Variants in HS3ST5 observed in about 807,000 individuals in gnomAD.
HS3ST5 encodes heparan sulfate glucosamine 3-O-sulfotransferase 5.
In HS3ST5, 10 loss-of-function variants were observed where a neutral mutation model predicts 25.4. That is an observed-to-expected ratio of 0.39 (90% CI 0.24 to 0.67). The LOEUF is 0.67. Ranked by LOEUF, HS3ST5 falls within the 30% of genes least tolerant of loss-of-function variation. HS3ST5 has a pLI of 0.44. For missense variants in HS3ST5, 324 were observed against 420.7 expected (o/e 0.77, Z 2.01); for synonymous variants, 170 against 162.4 (o/e 1.05, Z -0.36).
chr6:114,141,226 T>A (rs1425446094), intron 3 of HS3ST5, among the ~76,000 whole-genome samples: 2 of 152,216 alleles, frequency 1.3e-5, no homozygotes, highest in Non-Finnish European at 2.9e-5. Context: ...GATCCTTTTC[T>A]CTCCTTCACT....
intron 3 of HS3ST5, chr6:114,131,145 A>C (rs761438643): frequency 6.6e-6 from 1 of 152,228 alleles, no homozygotes; most frequent in Non-Finnish European, 1.5e-5. Flanking sequence ...GATGCATCAA[A>C]GTTGCATGAG....
intron 3 of HS3ST5, chr6:114,084,530 AC>A (rs1774673277): frequency 1.3e-6 from 1 of 759,234 alleles, no homozygotes; most frequent in Non-Finnish European, 2.4e-6. Context: ...GCCGGCGTCC[AC>A]CGCATCACAC....
chr6:114,230,425 T>A lies in HS3ST5; in HGVS notation c.-338-1647A>T, dbSNP rs142976075. On this transcript the variant is annotated intron_variant, in intron 1 of 4. Transcript: ENST00000312719. ...TGTGGATTCTTTTTTACTGAACTAT[T>A]TTTCACATTTAGCACTTCACTACTA... The A allele has an allele frequency of 5.3e-5, 8 of 152,266 alleles. No individual in the cohort carries two copies. In the East Asian group the frequency reaches 1.3e-3, roughly 26 times the overall value. 9.4% of individuals were successfully genotyped at this position (152,266 alleles called of 1,614,324 possible). A position where few individuals can be genotyped will look rare whatever the true frequency, so the allele number is the denominator to read the frequency against.
At chr6:114,209,777 G>A (rs1171559625) in intron 2 of HS3ST5, among the ~76,000 whole-genome samples, 1 of 152,286 alleles carries the variant, frequency 6.6e-6, no homozygotes, top group African/African-American at 2.4e-5. Context: ...AGAAATGGGA[G>A]AAGGAGGAGA....
intron 1 of HS3ST5, among the ~76,000 whole-genome samples, chr6:114,271,040 A>G (rs1773618358): frequency 6.6e-6 from 1 of 152,112 alleles, no homozygotes; most frequent in South Asian, 2.1e-4. Context: ...ATTAAATACC[A>G]TTCACAATAT....
At chr6:114,067,541 T>A (rs1241689474) in intron 3 of HS3ST5, among the ~76,000 whole-genome samples, 1 of 152,162 alleles carries the variant, frequency 6.6e-6, no homozygotes, top group South Asian at 2.1e-4. Context: ...AACCCAGTTA[T>A]TACTATAGAG....
intron 1 of HS3ST5, among the ~76,000 whole-genome samples, chr6:114,291,489 G>A (rs1254766092): frequency 6.6e-6 from 1 of 152,124 alleles, no homozygotes; most frequent in Non-Finnish European, 1.5e-5. Context: ...ACTGAACCTC[G>A]GGTCATCTAG....
At chr6:114,280,374 G>C (rs1366851210) in intron 1 of HS3ST5, among the ~76,000 whole-genome samples, 1 of 151,924 alleles carries the variant, frequency 6.6e-6, no homozygotes, top group Non-Finnish European at 1.5e-5. Flanking sequence ...GAGACTGTGG[G>C]TCAGCATCAC....
intron 1 of HS3ST5, chr6:114,231,246 A>G (rs1771574952): frequency 6.6e-6 from 1 of 152,188 alleles, no homozygotes; most frequent in Non-Finnish European, 1.5e-5. Context: ...TTTTGTAAAT[A>G]GCACTATCAG....
chr6:114,134,186 C>T (rs1445416994), intron 3 of HS3ST5, among the ~76,000 whole-genome samples: 1 of 152,168 alleles, frequency 6.6e-6, no homozygotes, highest in Non-Finnish European at 1.5e-5. Context: ...CAGCAAATAG[C>T]AGCCTCCTAC....
chr6:114,138,669 T>C (rs1375161227), intron 3 of HS3ST5, among the ~76,000 whole-genome samples: 1 of 152,188 alleles, frequency 6.6e-6, no homozygotes, highest in Non-Finnish European at 1.5e-5. Flanking sequence ...AATCCTGAGT[T>C]GTAATTTATG....
intron 3 of HS3ST5, among the ~76,000 whole-genome samples, chr6:114,165,875 T>C (rs1779185728): frequency 6.6e-6 from 1 of 152,044 alleles, no homozygotes; most frequent in Non-Finnish European, 1.5e-5. Context: ...TTACATGAAA[T>C]GATGTATGTA....
intron 3 of HS3ST5, among the ~76,000 whole-genome samples, chr6:114,156,579 T>C (rs990809258): frequency 2.6e-5 from 4 of 152,224 alleles, no homozygotes; most frequent in Non-Finnish European, 5.9e-5. Flanking sequence ...CCACTTATTA[T>C]TTGTACCCTG....
intron 1 of HS3ST5, among the ~76,000 whole-genome samples, chr6:114,320,520 T>C (rs754060430): frequency 6.6e-6 from 1 of 152,158 alleles, no homozygotes; most frequent in Non-Finnish European, 1.5e-5. Context: ...CATCATAAGA[T>C]AGCTCTTGTG....
chr6:114,091,483 C>G (rs189509063), intron 3 of HS3ST5, among the ~76,000 whole-genome samples: 2 of 151,876 alleles, frequency 1.3e-5, no homozygotes, highest in African/African-American at 4.8e-5. Context: ...CGAGACCATC[C>G]TGGCTAACAT....
intron 2 of HS3ST5, among the ~76,000 whole-genome samples, chr6:114,215,604 A>G (rs976719435): frequency 4.6e-5 from 7 of 151,520 alleles, no homozygotes; most frequent in Admixed American, 1.3e-4. Flanking sequence ...TGCCTTTTGT[A>G]TGTTGTCATA....
chr6:114,219,321 C>T (rs969436544), intron 2 of HS3ST5, among the ~76,000 whole-genome samples: 3 of 152,140 alleles, frequency 2.0e-5, no homozygotes, highest in Non-Finnish European at 4.4e-5. Flanking sequence ...CACTCTTGGA[C>T]CATATAGGTT....
chr6:114,295,250 C>T (rs994930091), intron 1 of HS3ST5, among the ~76,000 whole-genome samples: 2 of 152,128 alleles, frequency 1.3e-5, no homozygotes, highest in Non-Finnish European at 2.9e-5. Context: ...TCTAATGCCC[C>T]TTATTCATTT....
chr6:114,130,019 G>T (rs1054856688), intron 3 of HS3ST5, among the ~76,000 whole-genome samples: 1 of 152,080 alleles, frequency 6.6e-6, no homozygotes. Flanking sequence ...AAATTGAGGC[G>T]CACATGGGGT....
Sources: gnomAD v4.1 joint callset for allele counts (sites outside exome capture counted in the v4.1 genomes callset) on GRCh38, gnomAD v4.1.1 for gene constraint, MANE v1.5 for transcripts, NCBI Gene and HGNC (gene_info 2026-07-23, HGNC 2026-07-21) for gene names.